Variants in LDHD observed in about 807,000 individuals in gnomAD.
LDHD encodes D-lactate dehydrogenase, mitochondrial.
In LDHD, 58 loss-of-function variants were observed where a neutral mutation model predicts 52.9. The ratio of observed to expected loss-of-function variants is 1.10; its 90% CI spans 0.89 to 1.36. LDHD has a LOEUF of 1.36. Among genes scored for constraint, LDHD ranks in the 40% most tolerant of loss-of-function variants. The pLI is 0.00. For synonymous variants in LDHD, 350 were observed against 288.6 expected, an observed-to-expected ratio of 1.21 and a Z score of -2.16; for missense variants, 747 against 668.0, an observed-to-expected ratio of 1.12 and a Z score of -1.30.
rs2036414737 is a variant in LDHD at position 75,112,417 on chromosome 16, A to G, written c.1394T>C (p.Met465Thr). Residue 465 changes from methionine to threonine, a missense_variant, in exon 11 of 11, where the codon ATG becomes ACG. Met to Thr is a moderately conservative substitution (Grantham distance 81). Coordinates refer to ENST00000450168, the MANE Select transcript of LDHD (RefSeq NM_194436.3). ...EEVGAVGVET[M>T]RQLKAVLDPQ... ...GTCTAGCACGGCCTTGAGCTGCCGCATGGTCTCCACGCCCACGGCGCCCAC... is the reference window on the plus strand; with the variant it reads ...GTCTAGCACGGCCTTGAGCTGCCGCGTGGTCTCCACGCCCACGGCGCCCAC... The G allele has an allele frequency of 6.2e-7, 1 of 1,613,508 alleles. No homozygotes were observed. The highest frequency in any genetic ancestry group is 1.7e-4 in the Middle Eastern group (1 of 6,060).
Position 75,114,333 on chromosome 16 carries a change from C to T in LDHD, c.630-168G>A, listed in dbSNP as rs977107794. On this transcript the variant is annotated intron_variant, in intron 5 of 10. Transcript: ENST00000450168. ...GTGCTTTCTGCTCCACAAAGCCAGT[C>T]GGCCTCAGGCAGGGAGAGCAAACCC... The T allele has an allele frequency of 5.4e-6, 8 of 1,468,764 alleles. No individual in the cohort carries two copies. In the African/African-American group the frequency reaches 9.8e-5, roughly 18 times the overall value. The allele number at this position is 1,468,764 out of a possible 1,614,324, so 91.0% of individuals were successfully genotyped here. A position where few individuals can be genotyped will look rare whatever the true frequency, so the allele number is the denominator to read the frequency against.
chr16:75,115,386 TCC>T, intron 2 of LDHD, 47 bp from the exon 3 acceptor site: 1 of 1,609,118 alleles, frequency 6.2e-7, no homozygotes, highest in East Asian at 2.2e-5. Context: ...CACCCTCTGG[TCC>T]CGAGGTGTTG....
rs1216271046 is a variant in LDHD, at chr16:75,114,299, C to T, written c.630-134G>A. The T allele has an allele frequency of 2.0e-6, 3 of 1,525,222 alleles. No individual in the cohort carries two copies. In the African/African-American group the frequency reaches 4.1e-5, roughly 21 times the overall value. 94.5% of individuals were successfully genotyped at this position (1,525,222 alleles called of 1,614,324 possible). ...GCTGGCCTCCCTCGGGCCCAGTTTCCCTGGCCCAGTGCTTTCTGCTCCACA... is the reference window on the plus strand; with the variant it reads ...GCTGGCCTCCCTCGGGCCCAGTTTCTCTGGCCCAGTGCTTTCTGCTCCACA... On this transcript the variant is annotated intron_variant, in intron 5 of 10. Transcript: ENST00000450168.
At chr16:75,112,963 T>G (rs777001156) in intron 8 of LDHD, 39 bp from the exon 9 acceptor site, 10 of 1,498,210 alleles carry the variant, frequency 6.7e-6, no homozygotes, top group South Asian at 2.3e-5. Flanking sequence ...CCTGCCTGAT[T>G]GGGTGTACGG....
chr16:75,115,470 G>A, intron 2 of LDHD, 78 bp downstream of exon 2: 2 of 1,585,258 alleles, frequency 1.3e-6, no homozygotes, highest in Non-Finnish European at 1.7e-6. Context: ...GAGTGAGGAG[G>A]AAGGCAACCC....
chr16:75,113,648 G>A lies in LDHD; in HGVS notation c.973C>T (p.Gln325Ter). 6.2e-7 allele frequency: 1 copy of A among 1,613,408 alleles called. No homozygotes were observed. Among genetic ancestry groups the A allele is most frequent in the Middle Eastern group, 1.6e-4 (1 of 6,062 alleles). ...QLQRTEEIVQQNGASDFSWAK... is the reference protein window; with the variant it reads ...QLQRTEEIVQ ...CAGGAGAAGTCAGAGGCTCCGTTCT[G>A]CTGGACTATCTCCTCTGCAGTTGGG... The change falls in exon 8 of 11, where the codon CAG becomes TAG. Residue 325 changes from glutamine (Q) to a stop codon, truncating the protein, a stop_gained. Transcript: ENST00000450168. LOFTEE classifies it high-confidence loss of function.
Position 75,113,766 on chromosome 16 carries a change from G to A in LDHD, c.934C>T (p.Leu312=). The A allele has an allele frequency of 6.2e-7, 1 of 1,613,900 alleles. No individual in the cohort carries two copies. Among genetic ancestry groups the A allele is most frequent in the Non-Finnish European group, 8.5e-7 (1 of 1,179,998 alleles). Residue 312 remains leucine, a synonymous_variant, in exon 7 of 11, where the codon CTG becomes TTG. Coordinates refer to ENST00000450168, the MANE Select transcript of LDHD (RefSeq NM_194436.3). ...FLEFHGSQQA[L]EEQLQRTEEI... is the part of the protein sequence containing the mutation. ...CCTGTGCGCTGCAGCTGCTCCTCCA[G>A]TGCCTGCTGGGAGCCATGGAACTCC...
At chr16:75,112,770 T>G in intron 9 of LDHD, 57 bp from the exon 10 acceptor site, 6 of 1,599,698 alleles carry the variant, frequency 3.8e-6, no homozygotes, top group Non-Finnish European at 5.1e-6. Flanking sequence ...TGCCTCCTGC[T>G]GCCCCAGGCT....
intron 5 of LDHD, 70 bp from the exon 6 acceptor site, chr16:75,114,235 C>A: frequency 6.3e-7 from 1 of 1,591,306 alleles, no homozygotes; most frequent in Non-Finnish European, 8.5e-7. Flanking sequence ...GAAGCCGAAG[C>A]TGGAACCCAA....
Position 75,114,169 on chromosome 16 carries a change from C to A in LDHD, c.630-4G>T, listed in dbSNP as rs375943140. On this transcript the variant is annotated splice_polypyrimidine_tract_variant and splice_region_variant and intron_variant, in intron 5 of 10. Transcript: ENST00000450168. ...GTTGTAGCCGGCTGCACTCTTCCTA[C>A]GTCCCAGGGACACACAAGGTGAGTA... 6.2e-7 allele frequency: 1 copy of A among 1,612,076 alleles called. No individual in the cohort carries two copies. Among genetic ancestry groups the A allele is most frequent in the African/African-American group, 1.3e-5 (1 of 75,048 alleles).
rs367546588 is a variant in LDHD, at chr16:75,114,944, G to A, written c.352C>T (p.His118Tyr). 1.9e-6 allele frequency: 3 copies of A among 1,613,534 alleles called. No individual in the cohort carries two copies. In the African/African-American group the frequency reaches 4.0e-5, roughly 22 times the overall value. Reference protein sequence around the residue: ...VQGGVCVNLTHMDRILELNQE... With the variant: ...VQGGVCVNLTYMDRILELNQE... ...TTCAGCTCCAGGATTCGGTCCATAT[G>A]CGTCAGGTTAACGCAGACGCCGCCC... The change falls in exon 4 of 11, where the codon CAT (histidine) becomes TAT (tyrosine). Residue 118 changes from histidine (H) to tyrosine (Y), a missense_variant. Coordinates refer to ENST00000450168, the MANE Select transcript of LDHD (RefSeq NM_194436.3).
In LDHD at chr16:75,113,790, C is replaced by A. The variant is rs2036468460; in HGVS notation, c.910G>T (p.Glu304Ter). ...AGTGCCTGCTGGGAGCCATGGAACT[C>A]CAGGAAGAGTGTGGGCGCCACTAAG... Reference protein sequence around the residue: ...NCLVAPTLFLEFHGSQQALEE... With the variant: ...NCLVAPTLFL Residue 304 changes from glutamate (E) to a stop codon, truncating the protein, a stop_gained, in exon 7 of 11, where the codon GAG (glutamate) becomes TAG (stop). Coordinates refer to ENST00000450168, the MANE Select transcript of LDHD (RefSeq NM_194436.3). LOFTEE classifies it high-confidence loss of function. 1.9e-6 allele frequency: 3 copies of A among 1,613,914 alleles called. No homozygotes were observed. In the African/African-American group the frequency reaches 4.0e-5, roughly 22 times the overall value.
intron 7 of LDHD, 26 bp downstream of exon 7, chr16:75,113,716 T>C (rs1597921348): frequency 6.2e-7 from 1 of 1,613,418 alleles, no homozygotes; most frequent in Non-Finnish European, 8.5e-7. Context: ...CAGCCCACCC[T>C]GCTGCCCCAC....
chr16:75,116,520 T>A, intron 1 of LDHD, 129 bp downstream of exon 1: 1 of 730,968 alleles, frequency 1.4e-6, no homozygotes, highest in Admixed American at 2.5e-5. Flanking sequence ...GTAAGCCCAG[T>A]GCCCTTTTGC....
chr16:75,114,379 C>T, intron 5 of LDHD, 147 bp downstream of exon 5: 3 of 1,378,164 alleles, frequency 2.2e-6, no homozygotes, highest in Non-Finnish European at 2.9e-6. Context: ...CACTTTGGCC[C>T]AGCTGACAGG....
chr16:75,112,884 G>T lies in LDHD; in HGVS notation c.1127C>A (p.Pro376Gln). ...TDVCVPISRL[P>Q]EIVVQTKEDL... Reference sequence around the variant, plus strand: ...CTCCTTGGTCTGCACCACGATCTCCGGCAGCCGGGAGATGGGCACACACAC... The same window carrying T: ...CTCCTTGGTCTGCACCACGATCTCCTGCAGCCGGGAGATGGGCACACACAC... The change falls in exon 9 of 11, where the codon CCG becomes CAG. Residue 376 changes from proline (P) to glutamine (Q), a missense_variant. Pro to Gln is a moderately conservative substitution (Grantham distance 76). Coordinates refer to ENST00000450168, the MANE Select transcript of LDHD (RefSeq NM_194436.3). 1 of 1,613,170 alleles carries T rather than the reference G, an allele frequency of 6.2e-7. No homozygotes were observed. Among genetic ancestry groups the T allele is most frequent in the African/African-American group, 1.3e-5 (1 of 75,046 alleles).
At chr16:75,113,389 G>T in intron 8 of LDHD, 146 bp downstream of exon 8, 1 of 965,454 alleles carries the variant, frequency 1.0e-6, no homozygotes, top group Non-Finnish European at 1.5e-6. Flanking sequence ...GGGGCGGTCT[G>T]CAGCCCTTGT....
At position 75,115,675 on chromosome 16, in the gene LDHD, C is replaced by G. The variant is rs1411188871; in HGVS notation, c.73-15G>C. On this transcript the variant is annotated splice_polypyrimidine_tract_variant and intron_variant, in intron 1 of 10. Transcript: ENST00000450168. ...CAGAGCTCTCCCTGCAGGGAAGAAA[C>G]ACACTGCCAGGGTCCCCCGAAAGAC... 1 of 1,528,780 alleles carries G rather than the reference C, an allele frequency of 6.5e-7. No individual in the cohort carries two copies. The highest frequency in any genetic ancestry group is 1.8e-5 in the Admixed American group (1 of 56,128). 94.7% of individuals were successfully genotyped at this position (1,528,780 alleles called of 1,614,324 possible).
In LDHD at chr16:75,112,153, C is replaced by T; in HGVS notation, c.*203G>A. The T allele has an allele frequency of 1.6e-6, 1 of 621,790 alleles. No individual in the cohort carries two copies. The highest frequency in any genetic ancestry group is 2.7e-6 in the Non-Finnish European group (1 of 368,402). The allele number at this position is 621,790 out of a possible 1,614,324, so 38.5% of individuals were successfully genotyped here. ...GGGTCGTTTACTGAACCAAAGGCTC[C>T]TGGGGCCAGCCAGAGGGCCAGGGAG... On this transcript the variant is annotated 3_prime_UTR_variant, in exon 11 of 11. Transcript: ENST00000450168.
Sources: gnomAD v4.1 joint callset for allele counts on GRCh38, gnomAD v4.1.1 for gene constraint, MANE v1.5 for transcripts, NCBI Gene and HGNC (gene_info 2026-07-23, HGNC 2026-07-21) for gene names.